Variants in MKLN1 observed in about 807,000 individuals in gnomAD.
MKLN1 encodes the protein muskelin 1.
Under a neutral mutation model 99.0 loss-of-function variants are expected in MKLN1, and 18 were observed. That is an observed-to-expected ratio of 0.18 (90% CI 0.13 to 0.27). The LOEUF is 0.27. Among genes scored for constraint, MKLN1 ranks in the 10% least tolerant of loss-of-function variants. The pLI is 1.00. For synonymous variants in MKLN1, 288 were observed against 293.2 expected (o/e 0.98, Z 0.18); for missense variants, 621 against 875.9 (o/e 0.71, Z 3.67).
intron 2 of MKLN1, among the ~76,000 whole-genome samples, chr7:131,180,004 G>T (rs1406696670): frequency 6.6e-6 from 1 of 152,162 alleles, no homozygotes; most frequent in Non-Finnish European, 1.5e-5. Context: ...TAATCCTCCT[G>T]CCTCAACCTC....
At chr7:131,186,383 C>G (rs1796450614) in intron 2 of MKLN1, among the ~76,000 whole-genome samples, 1 of 152,184 alleles carries the variant, frequency 6.6e-6, no homozygotes, top group Admixed American at 6.5e-5. Context: ...TAGCACACGC[C>G]TGTAGCCCCA....
At chr7:131,234,096 C>T (rs892917097) in intron 3 of MKLN1, among the ~76,000 whole-genome samples, 5 of 152,282 alleles carry the variant, frequency 3.3e-5, no homozygotes, top group South Asian at 2.1e-4. Context: ...TCTCCTGCCT[C>T]AGCCTCCCGA....
intron 12 of MKLN1, among the ~76,000 whole-genome samples, chr7:131,459,792 T>C (rs1165214663): frequency 6.6e-6 from 1 of 152,180 alleles, no homozygotes; most frequent in African/African-American, 2.4e-5. Flanking sequence ...AAATTAAACA[T>C]GCCTAGCTTG....
chr7:131,395,551 A>G (rs116440522), intron 4 of MKLN1, among the ~76,000 whole-genome samples: 3,612 of 150,886 alleles, frequency 0.024, 177 homozygotes, highest in African/African-American at 0.084. Context: ...CTTACTGAGC[A>G]CTAATAGTAC....
At chr7:131,113,909 T>G (rs1795235108) in intron 1 of MKLN1, among the ~76,000 whole-genome samples, 1 of 152,118 alleles carries the variant, frequency 6.6e-6, no homozygotes, top group African/African-American at 2.4e-5. Context: ...CCGTCAGATC[T>G]CATGAGAACT....
rs60323728 is a variant in MKLN1 at position 131,376,095 on chromosome 7, A to AATATATATAT, written c.168+633_168+642dup. Among the ~76,000 whole-genome samples, 837 of 107,464 alleles carry AATATATATAT rather than the reference A, an allele frequency of 7.8e-3. 7 individuals carry two copies. Among genetic ancestry groups the AATATATATAT allele is most frequent in the South Asian group, 0.013 (39 of 2,962 alleles). The allele number at this position is 107,464 out of a possible 152,430, so 70.5% of individuals were successfully genotyped here. A position where few individuals can be genotyped will look rare whatever the true frequency, so the allele number is the denominator to read the frequency against. The stretch of plus-strand genomic sequence containing the variant: ...TTTTAATTGTAGTATAATTCATGGA[A>AATATATATAT]ATATATATATATATATATATATATA... On this transcript the variant is annotated intron_variant, in intron 2 of 17. Coordinates refer to ENST00000352689, the MANE Select transcript of MKLN1 (RefSeq NM_013255.5).
chr7:131,392,754 C>T (rs552343439), intron 4 of MKLN1, among the ~76,000 whole-genome samples: 42 of 152,098 alleles, frequency 2.8e-4, no homozygotes, highest in East Asian at 7.7e-4. Context: ...TACAGGCATG[C>T]GCCACCATGC....
At chr7:131,259,640 AT>A (rs1797705532) in intron 3 of MKLN1, among the ~76,000 whole-genome samples, 1 of 152,214 alleles carries the variant, frequency 6.6e-6, no homozygotes, top group Non-Finnish European at 1.5e-5. Context: ...TACATTAAAA[AT>A]TTCCCCTTTT....
chr7:131,209,039 A>G (rs1035056135), intron 3 of MKLN1, among the ~76,000 whole-genome samples: 1 of 152,236 alleles, frequency 6.6e-6, no homozygotes, highest in African/African-American at 2.4e-5. Context: ...GGAGCTGGTC[A>G]TGAAAAGATC....
In MKLN1 at chr7:131,490,449, A is replaced by C. The variant is rs1441730391; in HGVS notation, c.*2721A>C. 2.0e-5 allele frequency: 3 copies of C among 152,618 alleles called. No individual in the cohort carries two copies. The highest frequency in any genetic ancestry group is 2.9e-5 in the Non-Finnish European group (2 of 68,012). 9.5% of individuals were successfully genotyped at this position (152,618 alleles called of 1,614,324 possible). A position where few individuals can be genotyped will look rare whatever the true frequency, so the allele number is the denominator to read the frequency against. ...TAATCTGATTTTCAAGACACCTCTT[A>C]AGTGCATTTGCATTTTATTTTGGTA... On this transcript the variant is annotated 3_prime_UTR_variant, in exon 18 of 18. Coordinates refer to ENST00000352689, the MANE Select transcript of MKLN1 (RefSeq NM_013255.5).
intron 3 of MKLN1, among the ~76,000 whole-genome samples, chr7:131,261,249 G>A (rs962479717): frequency 3.3e-5 from 5 of 152,096 alleles, no homozygotes; most frequent in Admixed American, 1.3e-4. Flanking sequence ...TATGCATCCG[G>A]CAAAGGTCTA....
At chr7:131,481,165 C>G (rs1199621847) in intron 17 of MKLN1, among the ~76,000 whole-genome samples, 1 of 152,040 alleles carries the variant, frequency 6.6e-6, no homozygotes, top group Non-Finnish European at 1.5e-5. Context: ...TATTATATAG[C>G]CTAGTGATTA....
chr7:131,416,096 C>T (rs1349228749), intron 8 of MKLN1, among the ~76,000 whole-genome samples: 2 of 152,160 alleles, frequency 1.3e-5, no homozygotes, highest in African/African-American at 2.4e-5. Flanking sequence ...ATGTCCGGCC[C>T]ACCCTTTCAA....
upstream of MKLN1, chr7:131,327,729 T>G (rs929868418): frequency 8.8e-5 from 109 of 1,238,190 alleles, no homozygotes; most frequent in Non-Finnish European, 1.1e-4. Flanking sequence ...GCGAGCGACG[T>G]GGGAAACCCT....
At chr7:131,336,272 C>G (rs772800585) in intron 1 of MKLN1, among the ~76,000 whole-genome samples, 15 of 152,024 alleles carry the variant, frequency 9.9e-5, no homozygotes, top group Non-Finnish European at 1.6e-4. Context: ...ATTTTGGCTG[C>G]TGTTTGCTTG....
chr7:131,496,301 G>A lies in MKLN1; in HGVS notation c.*8573G>A, dbSNP rs959745401. ...ATGAGCTGGTTGGAGCTTTTAAACA[G>A]AAGTGCTTTATGGGTATCAGATCTC... On this transcript the variant is annotated 3_prime_UTR_variant, in exon 18 of 18. Transcript: ENST00000352689. 6.6e-6 allele frequency: 1 copy of A among 152,118 alleles called. No individual in the cohort carries two copies. Among genetic ancestry groups the A allele is most frequent in the Admixed American group, 6.5e-5 (1 of 15,280 alleles). 9.4% of individuals were successfully genotyped at this position (152,118 alleles called of 1,614,324 possible).
At chr7:131,225,333 G>T (rs922218168) in intron 3 of MKLN1, among the ~76,000 whole-genome samples, 1 of 152,122 alleles carries the variant, frequency 6.6e-6, no homozygotes, top group Non-Finnish European at 1.5e-5. Context: ...TCTTTTATAA[G>T]GGTACTAATC....
At chr7:131,468,074 A>G (rs900282648) in intron 15 of MKLN1, among the ~76,000 whole-genome samples, 1 of 152,222 alleles carries the variant, frequency 6.6e-6, no homozygotes. Context: ...TTTGAGGGAC[A>G]GGCAGAGGAA....
intron 3 of MKLN1, among the ~76,000 whole-genome samples, chr7:131,220,315 T>G (rs1797042225): frequency 6.6e-6 from 1 of 152,284 alleles, no homozygotes. Flanking sequence ...TAACCTGTTT[T>G]ATAAGGATCA....
Sources: gnomAD v4.1 joint callset for allele counts (sites outside exome capture counted in the v4.1 genomes callset) on GRCh38, gnomAD v4.1.1 for gene constraint, MANE v1.5 for transcripts, NCBI Gene and HGNC (gene_info 2026-07-23, HGNC 2026-07-21) for gene names.